Variants in ATP10D observed in about 807,000 individuals in gnomAD.
ATP10D encodes ATPase phospholipid transporting 10D (putative), also known as phospholipid-transporting ATPase VD.
ATP10D carries 89 observed loss-of-function variants against 144.8 expected under a neutral mutation model. The ratio of observed to expected loss-of-function variants is 0.61; its 90% CI spans 0.52 to 0.73. ATP10D has a LOEUF of 0.73. Ranked by LOEUF, ATP10D falls within the 30% of genes least tolerant of loss-of-function variation. The pLI is 0.00. For synonymous variants in ATP10D, 571 were observed against 615.1 expected (o/e 0.93, Z 1.06); for missense variants, 1,603 against 1,714.8 (o/e 0.93, Z 1.15).
chr4:47,591,671 A>G lies in ATP10D; in HGVS notation c.*290A>G, dbSNP rs1449544028. On this transcript the variant is annotated 3_prime_UTR_variant, in exon 23 of 23. Coordinates refer to ENST00000273859, the MANE Select transcript of ATP10D (RefSeq NM_020453.4). The stretch of plus-strand genomic sequence containing the variant: ...AGCATTTTCATTCTCTTAGAAATTC[A>G]AGTATTTTCAAGGGGAGTCATTTGA... The G allele has an allele frequency of 4.6e-6, 1 of 215,058 alleles. No homozygotes were observed. Among genetic ancestry groups the G allele is most frequent in the East Asian group, 1.0e-4 (1 of 10,026 alleles). 13.3% of individuals were successfully genotyped at this position (215,058 alleles called of 1,614,324 possible). A position where few individuals can be genotyped will look rare whatever the true frequency, so the allele number is the denominator to read the frequency against.
intron 5 of ATP10D, among the ~76,000 whole-genome samples, chr4:47,530,465 TG>T (rs1314887920): frequency 6.6e-6 from 1 of 152,114 alleles, no homozygotes; most frequent in Non-Finnish European, 1.5e-5. Context: ...TTTGTTTGTT[TG>T]TTTGTTTTTC....
At chr4:47,581,281 AAAG>A (rs1720502275) in intron 20 of ATP10D, among the ~76,000 whole-genome samples, 1 of 152,220 alleles carries the variant, frequency 6.6e-6, no homozygotes, top group Non-Finnish European at 1.5e-5. Flanking sequence ...CACGATACAC[AAAG>A]AAGCATTGTA....
At position 47,576,767 on chromosome 4, in the gene ATP10D, C is replaced by A; in HGVS notation, c.3367-6C>A. The A allele has an allele frequency of 6.2e-7, 1 of 1,612,358 alleles. No homozygotes were observed. The highest frequency in any genetic ancestry group is 8.5e-7 in the Non-Finnish European group (1 of 1,178,398). On this transcript the variant is annotated splice_region_variant and splice_polypyrimidine_tract_variant and intron_variant, in intron 18 of 22. Coordinates refer to ENST00000273859, the MANE Select transcript of ATP10D (RefSeq NM_020453.4). ...AAGATCTGAATGTCCTTCTTTGTGT[C>A]TCTAGGCCTATGTGAACCTCCTTTT...
intron 1 of ATP10D, among the ~76,000 whole-genome samples, chr4:47,503,709 C>A (rs969372577): frequency 3.3e-5 from 5 of 151,946 alleles, no homozygotes; most frequent in Non-Finnish European, 7.4e-5. Flanking sequence ...CCAACCTGGG[C>A]AGTATAGAAA....
chr4:47,591,936 A>G lies in ATP10D; in HGVS notation c.*555A>G, dbSNP rs1721069392. 1 of 152,116 alleles carries G rather than the reference A, an allele frequency of 6.6e-6. No individual in the cohort carries two copies. Among genetic ancestry groups the G allele is most frequent in the African/African-American group, 2.4e-5 (1 of 41,424 alleles). 9.4% of individuals were successfully genotyped at this position (152,116 alleles called of 1,614,324 possible). A position where few individuals can be genotyped will look rare whatever the true frequency, so the allele number is the denominator to read the frequency against. ...GCTTAAAATACAGTTAGTGCCTATT[A>G]ATAGCTTTTTATTTCCTATGGGAAG... is the stretch of plus-strand genomic sequence containing the variant. On this transcript the variant is annotated 3_prime_UTR_variant, in exon 23 of 23. Coordinates refer to ENST00000273859, the MANE Select transcript of ATP10D (RefSeq NM_020453.4).
chr4:47,556,545 G>A (rs1040604063), intron 11 of ATP10D, among the ~76,000 whole-genome samples: 1 of 152,054 alleles, frequency 6.6e-6, no homozygotes, highest in Non-Finnish European at 1.5e-5. Flanking sequence ...AATCTCTGAA[G>A]CATATAAGAG....
chr4:47,572,802 G>A, intron 17 of ATP10D, 70 bp from the exon 18 acceptor site: 2 of 1,598,680 alleles, frequency 1.3e-6, no homozygotes, highest in South Asian at 2.2e-5. Flanking sequence ...GGTTTCCCAA[G>A]AATTGTGCTG....
intron 1 of ATP10D, among the ~76,000 whole-genome samples, chr4:47,502,572 ATATGAT>A (rs1715760397): frequency 6.7e-6 from 1 of 148,656 alleles, no homozygotes; most frequent in Non-Finnish European, 1.5e-5. Flanking sequence ...GATAATATAT[ATATGAT>A]TATATGTTTT....
At chr4:47,569,388 T>C (rs576219571) in intron 16 of ATP10D, among the ~76,000 whole-genome samples, 30 of 129,396 alleles carry the variant, frequency 2.3e-4, no homozygotes, top group Middle Eastern at 3.8e-3. Flanking sequence ...GACTTCTTAG[T>C]TCAGTGTCAG....
chr4:47,487,252 A>AAAG (rs1560401763), intron 1 of ATP10D, among the ~76,000 whole-genome samples: 5 of 149,656 alleles, frequency 3.3e-5, no homozygotes, highest in Non-Finnish European at 4.5e-5. Context: ...AAAAAAAAAT[A>AAAG]GAATCTCATT....
intron 22 of ATP10D, among the ~76,000 whole-genome samples, chr4:47,590,658 C>T (rs181684645): frequency 6.6e-6 from 1 of 152,174 alleles, no homozygotes; most frequent in East Asian, 1.9e-4. Flanking sequence ...TTACAATAGC[C>T]ATAGGAAACT....
At chr4:47,548,270 A>G (rs1453344083) in intron 10 of ATP10D, among the ~76,000 whole-genome samples, 1 of 152,146 alleles carries the variant, frequency 6.6e-6, no homozygotes, top group African/African-American at 2.4e-5. Flanking sequence ...AGATAAATTT[A>G]CCTCATCTAA....
At position 47,554,713 on chromosome 4, in the gene ATP10D, A is replaced by G. The variant is rs1359231908; in HGVS notation, c.1636-13A>G. Reference sequence around the variant, plus strand: ...ACTTCTTATAACAACACACTGTCTTATTGGATCTTCAGGAAACAGACGTGG... The same window carrying G: ...ACTTCTTATAACAACACACTGTCTTGTTGGATCTTCAGGAAACAGACGTGG... On this transcript the variant is annotated splice_polypyrimidine_tract_variant and intron_variant, in intron 10 of 22. Coordinates refer to ENST00000273859, the MANE Select transcript of ATP10D (RefSeq NM_020453.4). 4 of 1,596,896 alleles carry G rather than the reference A, an allele frequency of 2.5e-6. No individual in the cohort carries two copies. Among genetic ancestry groups the G allele is most frequent in the Non-Finnish European group, 3.4e-6 (4 of 1,170,650 alleles).
rs754735402 is a variant in ATP10D at position 47,512,772 on chromosome 4, A to G, written c.232A>G (p.Thr78Ala). ...AGCCTATGTGAACAATCGAATACGAACAACAAAGTACACACTTCTGAATTT... is the reference window on the plus strand; with the variant it reads ...AGCCTATGTGAACAATCGAATACGAGCAACAAAGTACACACTTCTGAATTT... ...SGAYVNNRIR[T>A]TKYTLLNFVP... The change falls in exon 2 of 23, where the codon ACA (threonine) becomes GCA (alanine). Residue 78 changes from threonine to alanine, a missense_variant. Physicochemically the swap from Thr to Ala is moderately conservative, Grantham distance 58 (BLOSUM62 0). Coordinates refer to ENST00000273859, the MANE Select transcript of ATP10D (RefSeq NM_020453.4). The G allele has an allele frequency of 4.3e-6, 7 of 1,613,238 alleles. No individual in the cohort carries two copies. Among genetic ancestry groups the G allele is most frequent in the Non-Finnish European group, 5.1e-6 (6 of 1,179,238 alleles).
At chr4:47,531,463 T>C (rs1410953414) in intron 5 of ATP10D, among the ~76,000 whole-genome samples, 1 of 152,164 alleles carries the variant, frequency 6.6e-6, no homozygotes, top group African/African-American at 2.4e-5. Flanking sequence ...TGTGGCTAAG[T>C]ATGTCTGGAA....
intron 1 of ATP10D, among the ~76,000 whole-genome samples, chr4:47,511,945 A>G (rs1716355606): frequency 6.6e-6 from 1 of 152,242 alleles, no homozygotes; most frequent in Non-Finnish European, 1.5e-5. Context: ...TACTAGTGTT[A>G]CATTAGCTGA....
chr4:47,513,725 G>A (rs1270236943), intron 2 of ATP10D, among the ~76,000 whole-genome samples: 1 of 152,206 alleles, frequency 6.6e-6, no homozygotes, highest in Non-Finnish European at 1.5e-5. Context: ...AAAGATAGAT[G>A]TGACCCAGGA....
At chr4:47,580,377 C>T (rs530387456) in intron 19 of ATP10D, 21 bp from the exon 20 acceptor site, 39 of 1,586,616 alleles carry the variant, frequency 2.5e-5, no homozygotes, top group African/African-American at 9.4e-5. Flanking sequence ...ACTACCTCCC[C>T]GTTATCTGCT....
chr4:47,518,758 A>C (rs1577637436), intron 3 of ATP10D, among the ~76,000 whole-genome samples: 1 of 152,200 alleles, frequency 6.6e-6, no homozygotes, highest in Non-Finnish European at 1.5e-5. Flanking sequence ...AGATTCTTCA[A>C]ATTTTCTTGA....
Sources: gnomAD v4.1 joint callset for allele counts (sites outside exome capture counted in the v4.1 genomes callset) on GRCh38, gnomAD v4.1.1 for gene constraint, MANE v1.5 for transcripts, NCBI Gene and HGNC (gene_info 2026-07-23, HGNC 2026-07-21) for gene names.